Variants in CIMAP1D observed in about 807,000 individuals in gnomAD.
CIMAP1D encodes CIMAP1 family member D.
At chr19:475,043 G>A in the CIMAP1D span, 3 of 313,850 alleles carry the variant, frequency 9.6e-6, no homozygotes, top group South Asian at 1.6e-4. Context: ...TGCGTCTCCC[G>A]GGAGCCGGCA....
the CIMAP1D span, chr19:490,206 A>C: frequency 2.6e-5 from 8 of 312,108 alleles, no homozygotes; most frequent in Non-Finnish European, 3.5e-5. Flanking sequence ...AAATACAAAA[A>C]TTAGCCGGGC....
chr19:474,716 C>G, the CIMAP1D span: 1 of 1,550,778 alleles, frequency 6.4e-7, no homozygotes. Flanking sequence ...TGTGGCCAGC[C>G]GTGGGGTGGA....
At chr19:477,040 C>G in the CIMAP1D span, among the ~76,000 whole-genome samples, 1 of 152,120 alleles carries the variant, frequency 6.6e-6, no homozygotes, top group Non-Finnish European at 1.5e-5. Context: ...AACCCCATCT[C>G]TACAAAAAAT....
At chr19:489,737 G>A in the CIMAP1D span, 1 of 317,822 alleles carries the variant, frequency 3.1e-6, no homozygotes, top group East Asian at 5.1e-5. Flanking sequence ...GATTGCGGCC[G>A]GGGGAGAACC....
the CIMAP1D span, chr19:474,584 G>C: frequency 1.4e-6 from 2 of 1,465,056 alleles, no homozygotes; most frequent in Non-Finnish European, 1.8e-6. Context: ...AGTGGAGCAG[G>C]AAAAGGTCCC....
At chr19:481,799 T>C in the CIMAP1D span, among the ~76,000 whole-genome samples, 2 of 130,722 alleles carry the variant, frequency 1.5e-5, no homozygotes, top group African/African-American at 6.0e-5. Flanking sequence ...TTTGAGACAA[T>C]ATGTTGCTCT....
chr19:470,503 G>T, the CIMAP1D span, among the ~76,000 whole-genome samples: 3 of 152,118 alleles, frequency 2.0e-5, no homozygotes, highest in African/African-American at 7.2e-5. Flanking sequence ...GAGCCACCGC[G>T]CCCGGCCCAT....
the CIMAP1D span, chr19:474,480 G>T: frequency 1.1e-6 from 1 of 871,526 alleles, no homozygotes; most frequent in Non-Finnish European, 1.6e-6. Flanking sequence ...CTGCCGGAAG[G>T]AAAACTGAGG....
chr19:472,434 C>A, the CIMAP1D span: 2 of 1,546,708 alleles, frequency 1.3e-6, no homozygotes, highest in African/African-American at 2.7e-5. Flanking sequence ...CGGGACTGGC[C>A]ACCCTGGTGC....
the CIMAP1D span, among the ~76,000 whole-genome samples, chr19:488,308 G>A: frequency 2.6e-5 from 4 of 151,940 alleles, no homozygotes; most frequent in Non-Finnish European, 5.9e-5. Flanking sequence ...AGATCACGAG[G>A]TCAGGAGATC....
chr19:469,691 A>AAAAAGG, the CIMAP1D span, among the ~76,000 whole-genome samples: 1 of 140,530 alleles, frequency 7.1e-6, no homozygotes, highest in East Asian at 3.2e-4. Flanking sequence ...ACTCAGTCTC[A>AAAAAGG]AAAAGAAAAA....
chr19:471,588 A>G, the CIMAP1D span, among the ~76,000 whole-genome samples: 2 of 151,900 alleles, frequency 1.3e-5, no homozygotes, highest in East Asian at 3.9e-4. Flanking sequence ...GACCACAGGC[A>G]CACACTACCA....
the CIMAP1D span, among the ~76,000 whole-genome samples, chr19:473,482 G>A: frequency 0.029 from 1,485 of 51,578 alleles, 16 homozygotes; most frequent in African/African-American, 0.099. Context: ...AGAGATACAC[G>A]GTCACAGATG....
chr19:463,363 C>T, the CIMAP1D span: 1 of 172,932 alleles, frequency 5.8e-6, no homozygotes, highest in African/African-American at 2.4e-5. Context: ...GACAGCTCTC[C>T]AGCCCAGGAA....
At chr19:467,385 C>A in the CIMAP1D span, among the ~76,000 whole-genome samples, 1 of 152,012 alleles carries the variant, frequency 6.6e-6, no homozygotes, top group Non-Finnish European at 1.5e-5. Context: ...TCACCTCTCA[C>A]CTCCTGACAC....
the CIMAP1D span, chr19:474,852 G>A: frequency 1.0e-4 from 99 of 988,418 alleles, no homozygotes; most frequent in Non-Finnish European, 1.2e-4. Context: ...CCACCTTCAC[G>A]GCCTCACCAC....
At chr19:481,112 AGAAGGAATGTGG>A in the CIMAP1D span, among the ~76,000 whole-genome samples, 305 of 107,612 alleles carry the variant, frequency 2.8e-3, 1 homozygote, top group African/African-American at 0.01. Context: ...ACGATGATGG[AGAAGGAATGTGG>A]GAAGGATGAT....
the CIMAP1D span, among the ~76,000 whole-genome samples, chr19:471,421 T>G: frequency 2.6e-5 from 4 of 151,418 alleles, no homozygotes; most frequent in Admixed American, 6.6e-5. Flanking sequence ...GTGCTGGGAT[T>G]ACAGGGGTGA....
chr19:472,467 G>C, the CIMAP1D span: 1 of 1,546,886 alleles, frequency 6.5e-7, no homozygotes, highest in East Asian at 2.5e-5. Flanking sequence ...TGAAGCCCAC[G>C]GTGGACGGCA....
Sources: gnomAD v4.1 joint callset for allele counts (sites outside exome capture counted in the v4.1 genomes callset) on GRCh38, gnomAD v4.1.1 for gene constraint, MANE v1.5 for transcripts, NCBI Gene and HGNC (gene_info 2026-07-23, HGNC 2026-07-21) for gene names.